NF2: variants seen among roughly 807,000 people sequenced by gnomAD.
The protein encoded by NF2 is merlin.
A neutral mutation model predicts 83.7 loss-of-function variants in NF2; 8 were observed. The ratio of observed to expected loss-of-function variants is 0.10; its 90% CI spans 0.06 to 0.17. The LOEUF (loss-of-function observed/expected upper bound fraction) is 0.17. Ranked by LOEUF, NF2 falls within the 10% of genes least tolerant of loss-of-function variation. The pLI, the probability that NF2 is intolerant of heterozygous loss-of-function variation, is 1.00. For missense variants in NF2, 533 were observed against 744.4 expected (o/e 0.72, Z 3.31); for synonymous variants, 266 against 269.6 (o/e 0.99, Z 0.13).
chr22:29,670,142 G>A (rs2066737639), intron 10 of NF2, among the ~76,000 whole-genome samples: 2 of 152,196 alleles, frequency 1.3e-5, no homozygotes, highest in South Asian at 2.1e-4. Flanking sequence ...GGGACTACAA[G>A]TGCATGCTAC....
chr22:29,611,812 C>T (rs559084392), intron 1 of NF2, among the ~76,000 whole-genome samples: 1 of 152,116 alleles, frequency 6.6e-6, no homozygotes, highest in South Asian at 2.1e-4. Context: ...GATCATTACA[C>T]AAAACTTAGT....
At chr22:29,691,742 G>A (rs562236012) in intron 15 of NF2, among the ~76,000 whole-genome samples, 10 of 152,380 alleles carry the variant, frequency 6.6e-5, no homozygotes, top group African/African-American at 9.6e-5. Flanking sequence ...CAGGCAGGGC[G>A]TGCAGGTGGC....
At chr22:29,625,317 A>G (rs961939924) in intron 1 of NF2, among the ~76,000 whole-genome samples, 1 of 152,214 alleles carries the variant, frequency 6.6e-6, no homozygotes, top group Non-Finnish European at 1.5e-5. Flanking sequence ...GATTTCTGCC[A>G]TAGTTAATTA....
chr22:29,643,686 A>T (rs2065879423), intron 4 of NF2, among the ~76,000 whole-genome samples: 1 of 152,082 alleles, frequency 6.6e-6, no homozygotes, highest in African/African-American at 2.4e-5. Flanking sequence ...TCCCGTGTCT[A>T]CTTCTTTCTA....
chr22:29,678,525 A>AATAAAAATAACAATTTTTATCCAGG (rs924140919), intron 14 of NF2, among the ~76,000 whole-genome samples: 7 of 152,224 alleles, frequency 4.6e-5, no homozygotes, highest in Admixed American at 3.9e-4. Flanking sequence ...ATTCTGAACG[A>AATAAAAATAACAATTTTTATCCAGG]ATAAAAATAA....
chr22:29,662,566 G>A (rs1177194553), intron 8 of NF2, among the ~76,000 whole-genome samples: 1 of 152,186 alleles, frequency 6.6e-6, no homozygotes, highest in Non-Finnish European at 1.5e-5. Context: ...AATAAGTGCC[G>A]TGGAAGAGAC....
chr22:29,634,622 T>C (rs1188237465), intron 1 of NF2, among the ~76,000 whole-genome samples: 3 of 152,190 alleles, frequency 2.0e-5, no homozygotes, highest in African/African-American at 7.2e-5. Flanking sequence ...CCCTTGGGTG[T>C]TTACCTTTTC....
chr22:29,683,499 C>T, intron 15 of NF2: 1 of 1,158,296 alleles, frequency 8.6e-7, no homozygotes, highest in Non-Finnish European at 1.1e-6. Flanking sequence ...GACAGCCTCT[C>T]AAGACCCATG....
chr22:29,614,747 A>G (rs980099444), intron 1 of NF2, among the ~76,000 whole-genome samples: 7 of 151,984 alleles, frequency 4.6e-5, no homozygotes, highest in Admixed American at 4.6e-4. Context: ...CCCAAAAAAA[A>G]GCTTAAAATG....
intron 4 of NF2, 140 bp downstream of exon 4, chr22:29,642,425 T>C: frequency 1.4e-6 from 1 of 721,810 alleles, no homozygotes; most frequent in South Asian, 1.5e-5. Context: ...ACTTGTGGAC[T>C]TGAAGAACCA....
intron 15 of NF2, among the ~76,000 whole-genome samples, chr22:29,689,940 G>A (rs947105066): frequency 6.6e-6 from 1 of 152,232 alleles, no homozygotes; most frequent in Non-Finnish European, 1.5e-5. Flanking sequence ...TTTGGGAAAC[G>A]ATCCCCCAAA....
chr22:29,610,524 T>A (rs1312083018), intron 1 of NF2, among the ~76,000 whole-genome samples: 1 of 151,660 alleles, frequency 6.6e-6, no homozygotes, highest in African/African-American at 2.4e-5. Flanking sequence ...GCGCCTGTAG[T>A]CCCAGCTACT....
chr22:29,623,901 T>C (rs1387254092), intron 1 of NF2, among the ~76,000 whole-genome samples: 2 of 152,244 alleles, frequency 1.3e-5, no homozygotes, highest in South Asian at 2.1e-4. Context: ...CCCTCAGCTT[T>C]AGCGTCTTAT....
chr22:29,675,039 C>A (rs762328372), intron 13 of NF2, 98 bp downstream of exon 13: 25 of 1,009,144 alleles, frequency 2.5e-5, no homozygotes, highest in Non-Finnish European at 3.8e-5. Flanking sequence ...TCAGGGTGAC[C>A]ATTCAGGCAA....
Position 29,698,160 on chromosome 22 carries a change from T to C in NF2, c.*3358T>C, listed in dbSNP as rs2067605692. On this transcript the variant is annotated 3_prime_UTR_variant, in exon 16 of 16. Transcript: ENST00000338641. Reference sequence around the variant, plus strand: ...ACAGCAGTCCCCCCAACCTGTGTTGTCCACCCTATTATTCATGTACCTGCC... The same window carrying C: ...ACAGCAGTCCCCCCAACCTGTGTTGCCCACCCTATTATTCATGTACCTGCC... 4.3e-6 allele frequency: 1 copy of C among 232,642 alleles called. No homozygotes were observed. The allele number at this position is 232,642 out of a possible 1,614,324, so 14.4% of individuals were successfully genotyped here.
At chr22:29,631,864 C>A (rs1480522417) in intron 1 of NF2, among the ~76,000 whole-genome samples, 1 of 152,180 alleles carries the variant, frequency 6.6e-6, no homozygotes, top group Non-Finnish European at 1.5e-5. Context: ...AGTCACTTGC[C>A]CAAGGTCACA....
At chr22:29,672,036 A>G in intron 11 of NF2, 88 bp downstream of exon 11, 1 of 1,587,806 alleles carries the variant, frequency 6.3e-7, no homozygotes, top group East Asian at 2.2e-5. Flanking sequence ...ACCATGAGTT[A>G]GCAGCGTTTG....
At chr22:29,686,338 A>C (rs1321811365) in intron 15 of NF2, among the ~76,000 whole-genome samples, 1 of 152,172 alleles carries the variant, frequency 6.6e-6, no homozygotes, top group Non-Finnish European at 1.5e-5. Context: ...GAAAGTAAAA[A>C]CTTTTAAAAA....
intron 15 of NF2, among the ~76,000 whole-genome samples, chr22:29,692,428 A>G (rs911941781): frequency 3.9e-5 from 6 of 152,170 alleles, no homozygotes; most frequent in Non-Finnish European, 4.4e-5. Context: ...CATCCTAATA[A>G]GCACATGCTC....
Sources: allele counts gnomAD v4.1 joint callset (sites outside exome capture counted in the v4.1 genomes callset), GRCh38; gene constraint gnomAD v4.1.1; transcripts MANE v1.5; gene names NCBI Gene and HGNC (gene_info 2026-07-23, HGNC 2026-07-21).